The following GMDS variants were observed in gnomAD, a reference collection of about 807,000 sequenced individuals.
The protein encoded by GMDS is GDP-mannose 4,6 dehydratase.
GMDS carries 20 observed loss-of-function variants against 49.9 expected under a neutral mutation model. That is an observed-to-expected ratio of 0.40 (90% confidence interval 0.28 to 0.58). The LOEUF is 0.58. Ranked by LOEUF, GMDS falls within the 20% of genes least tolerant of loss-of-function variation. The probability of loss-of-function intolerance (pLI) is 0.42; values close to 1 mark genes in which losing one functional copy is unlikely to be tolerated. For missense variants in GMDS, 362 were observed against 481.4 expected (o/e 0.75, Z 2.32); for synonymous variants, 177 against 178.6 (o/e 0.99, Z 0.07).
intron 7 of GMDS, among the ~76,000 whole-genome samples, chr6:1,874,742 A>G (rs1469462185): frequency 1.3e-5 from 2 of 152,208 alleles, no homozygotes. Flanking sequence ...CTGAAGACTC[A>G]TGGCTTGGGA....
chr6:1,714,427 A>G (rs1766098614), intron 9 of GMDS, among the ~76,000 whole-genome samples: 1 of 152,202 alleles, frequency 6.6e-6, no homozygotes, highest in Admixed American at 6.5e-5. Flanking sequence ...AAAACATTGA[A>G]GATTCTAGGT....
chr6:1,688,625 C>A (rs1765066162), intron 9 of GMDS, among the ~76,000 whole-genome samples: 1 of 152,170 alleles, frequency 6.6e-6, no homozygotes, highest in African/African-American at 2.4e-5. Context: ...AAATACCAGC[C>A]AAAAAGAAAG....
chr6:1,869,682 AAC>A (rs948715100), intron 7 of GMDS, among the ~76,000 whole-genome samples: 1 of 152,368 alleles, frequency 6.6e-6, no homozygotes, highest in African/African-American at 2.4e-5. Context: ...AAGTAGCAAA[AAC>A]ACAGGCAGAA....
At chr6:1,666,777 T>C (rs1764251685) in intron 9 of GMDS, among the ~76,000 whole-genome samples, 1 of 152,170 alleles carries the variant, frequency 6.6e-6, no homozygotes, top group African/African-American at 2.4e-5. Context: ...GTCCTCAAGG[T>C]CACAGTGTCC....
chr6:1,733,686 G>C (rs1766906187), intron 8 of GMDS, among the ~76,000 whole-genome samples: 1 of 152,114 alleles, frequency 6.6e-6, no homozygotes, highest in East Asian at 1.9e-4. Context: ...GCCTGGTGGT[G>C]TGCACCTATT....
At chr6:2,042,439 A>C (rs966392409) in intron 4 of GMDS, among the ~76,000 whole-genome samples, 4 of 151,940 alleles carry the variant, frequency 2.6e-5, no homozygotes, top group African/African-American at 9.7e-5. Flanking sequence ...TCCCCACCCC[A>C]TACCCTGGGC....
intron 1 of GMDS, among the ~76,000 whole-genome samples, chr6:2,159,474 G>A (rs1777274568): frequency 6.7e-6 from 1 of 149,534 alleles, no homozygotes; most frequent in South Asian, 2.1e-4. Context: ...ATGCATTCAT[G>A]GCATACCTTT....
chr6:2,188,401 T>C (rs916324377), intron 1 of GMDS, among the ~76,000 whole-genome samples: 1 of 152,182 alleles, frequency 6.6e-6, no homozygotes, highest in Non-Finnish European at 1.5e-5. Flanking sequence ...TCATCTGGGA[T>C]GTCTGAAACT....
chr6:2,185,639 T>C (rs1778745201), intron 1 of GMDS, among the ~76,000 whole-genome samples: 1 of 152,148 alleles, frequency 6.6e-6, no homozygotes, highest in East Asian at 1.9e-4. Context: ...GCAAGTTCCT[T>C]CACCCACATG....
At chr6:1,798,237 G>GCA (rs70992103) in intron 7 of GMDS, among the ~76,000 whole-genome samples, 1,546 of 143,414 alleles carry the variant, frequency 0.011, 5 homozygotes, top group Admixed American at 0.015. Flanking sequence ...TAATTACAGA[G>GCA]CACACACACA....
At chr6:2,128,393 T>G (rs1775567374) in intron 1 of GMDS, among the ~76,000 whole-genome samples, 2 of 152,122 alleles carry the variant, frequency 1.3e-5, no homozygotes, top group African/African-American at 4.8e-5. Context: ...CAGGCTGTTC[T>G]CAAACCCCTG....
At chr6:1,904,254 A>T (rs920947223) in intron 7 of GMDS, among the ~76,000 whole-genome samples, 1 of 152,196 alleles carries the variant, frequency 6.6e-6, no homozygotes, top group African/African-American at 2.4e-5. Flanking sequence ...CTCCTGAAAC[A>T]GTTGGCTGAT....
chr6:2,124,658 C>T, intron 2 of GMDS, 29 bp downstream of exon 2: 1 of 1,597,566 alleles, frequency 6.3e-7, no homozygotes. Flanking sequence ...CCCCACCAGC[C>T]TGCGCCCGCT....
chr6:1,969,414 A>G (rs1028927806), intron 4 of GMDS, among the ~76,000 whole-genome samples: 5 of 152,084 alleles, frequency 3.3e-5, no homozygotes, highest in Non-Finnish European at 5.9e-5. Context: ...TTTGAATAAC[A>G]ATTTTAGTAA....
chr6:1,959,929 C>G lies in GMDS; in HGVS notation c.581G>C (p.Arg194Pro). 6.2e-7 allele frequency: 1 copy of G among 1,610,756 alleles called. No individual in the cohort carries two copies. The highest frequency in any genetic ancestry group is 8.5e-7 in the Non-Finnish European group (1 of 1,178,700). The change falls in exon 6 of 11, where the codon CGT becomes CCT. Residue 194 changes from arginine to proline, a missense_variant. Transcript: ENST00000380815. ...LYAYWIVVNF[R>P]EAYNLFAVNG... Reference sequence around the variant, plus strand: ...CACTGCAAAGAGATTATACGCCTCACGGAAGTTCACCACAATCCAATAGGC... The same window carrying G: ...CACTGCAAAGAGATTATACGCCTCAGGGAAGTTCACCACAATCCAATAGGC...
chr6:1,729,766 A>T (rs894705293), intron 8 of GMDS, among the ~76,000 whole-genome samples: 36 of 152,264 alleles, frequency 2.4e-4, no homozygotes, highest in African/African-American at 8.2e-4. Context: ...CAGCTCACCG[A>T]GCAGGGATCC....
intron 9 of GMDS, among the ~76,000 whole-genome samples, chr6:1,655,589 C>T (rs1312914010): frequency 1.3e-5 from 2 of 151,874 alleles, no homozygotes; most frequent in Non-Finnish European, 2.9e-5. Context: ...CTGCAGCCTC[C>T]GCCTCCCAGG....
At chr6:2,000,009 T>TATATATATA (rs1491273695) in intron 4 of GMDS, among the ~76,000 whole-genome samples, 2 of 6,048 alleles carry the variant, frequency 3.3e-4, no homozygotes, top group Non-Finnish European at 4.5e-4. Context: ...TATATATATA[T>TATATATATA]TTTTTATATA....
intron 7 of GMDS, among the ~76,000 whole-genome samples, chr6:1,805,979 T>C (rs1300924699): frequency 6.6e-5 from 10 of 152,146 alleles, no homozygotes. Context: ...GTGGTAAGTA[T>C]ATAAAAATAT....
Sources: allele counts gnomAD v4.1 joint callset (sites outside exome capture counted in the v4.1 genomes callset), GRCh38; gene constraint gnomAD v4.1.1; transcripts MANE v1.5; gene names NCBI Gene and HGNC (gene_info 2026-07-23, HGNC 2026-07-21).